Variants in HS6ST3 observed in about 807,000 individuals in gnomAD.
HS6ST3 encodes heparan-sulfate 6-O-sulfotransferase 3.
HS6ST3 carries 12 observed loss-of-function variants against 36.7 expected under a neutral mutation model. The ratio of observed to expected loss-of-function variants is 0.33; its 90% CI spans 0.21 to 0.53. The LOEUF is 0.53. HS6ST3 is among the 20% of genes least tolerant of loss of function. HS6ST3 has a pLI of 0.95. For synonymous variants in HS6ST3, 240 were observed against 257.5 expected (o/e 0.93, Z 0.65); for missense variants, 584 against 640.9 (o/e 0.91, Z 0.96).
At chr13:96,661,167 C>T (rs1192739367) in intron 1 of HS6ST3, among the ~76,000 whole-genome samples, 1 of 152,130 alleles carries the variant, frequency 6.6e-6, no homozygotes, top group Non-Finnish European at 1.5e-5. Flanking sequence ...TGCTCCTCAA[C>T]TTGCAGATGG....
chr13:96,429,386 G>A (rs1211205852), intron 1 of HS6ST3, among the ~76,000 whole-genome samples: 1 of 152,190 alleles, frequency 6.6e-6, no homozygotes, highest in Non-Finnish European at 1.5e-5. Context: ...TCCACTACAT[G>A]ATCTTAGACA....
intron 1 of HS6ST3, among the ~76,000 whole-genome samples, chr13:96,688,017 T>TGA (rs1874831973): frequency 1.4e-5 from 2 of 140,822 alleles, no homozygotes; most frequent in South Asian, 4.4e-4. Context: ...AATTGAACAA[T>TGA]GAGAACACTT....
intron 1 of HS6ST3, among the ~76,000 whole-genome samples, chr13:96,323,231 C>T (rs1433322142): frequency 6.6e-6 from 1 of 152,196 alleles, no homozygotes; most frequent in Non-Finnish European, 1.5e-5. Flanking sequence ...ATCTCCAAAA[C>T]AACCATCTGA....
chr13:96,731,544 A>G (rs1198814798), intron 1 of HS6ST3, among the ~76,000 whole-genome samples: 3 of 152,218 alleles, frequency 2.0e-5, no homozygotes, highest in Admixed American at 1.3e-4. Context: ...ATAGTGCTGC[A>G]GTAAACATAG....
intron 1 of HS6ST3, among the ~76,000 whole-genome samples, chr13:96,828,803 A>C (rs1354275327): frequency 6.6e-6 from 1 of 152,234 alleles, no homozygotes; most frequent in Non-Finnish European, 1.5e-5. Flanking sequence ...TAAATAAAAA[A>C]TTTGCTGTTA....
intron 1 of HS6ST3, among the ~76,000 whole-genome samples, chr13:96,543,120 A>G (rs1566391887): frequency 1.3e-5 from 2 of 152,192 alleles, no homozygotes; most frequent in Non-Finnish European, 2.9e-5. Flanking sequence ...GATTGCCACC[A>G]CCATGAACAG....
At chr13:96,429,199 C>T (rs1173085734) in intron 1 of HS6ST3, among the ~76,000 whole-genome samples, 1 of 152,124 alleles carries the variant, frequency 6.6e-6, no homozygotes, top group Non-Finnish European at 1.5e-5. Flanking sequence ...ACAAGAACAG[C>T]TTTTAATTAA....
At chr13:96,781,120 C>T (rs1877515476) in intron 1 of HS6ST3, among the ~76,000 whole-genome samples, 1 of 152,166 alleles carries the variant, frequency 6.6e-6, no homozygotes, top group South Asian at 2.1e-4. Flanking sequence ...TCCAATTCCC[C>T]CATTTTCCTT....
intron 1 of HS6ST3, among the ~76,000 whole-genome samples, chr13:96,168,661 A>G (rs894244340): frequency 6.7e-6 from 1 of 150,078 alleles, no homozygotes; most frequent in Non-Finnish European, 1.5e-5. Context: ...GGATCATGCT[A>G]CTGCCCTCCA....
At chr13:96,607,712 A>T (rs576903356) in intron 1 of HS6ST3, among the ~76,000 whole-genome samples, 2 of 152,196 alleles carry the variant, frequency 1.3e-5, no homozygotes, top group Non-Finnish European at 2.9e-5. Context: ...TGTGTATATA[A>T]TATGGAAAAA....
intron 1 of HS6ST3, among the ~76,000 whole-genome samples, chr13:96,371,895 C>T (rs917925633): frequency 2.0e-5 from 3 of 152,070 alleles, no homozygotes; most frequent in Non-Finnish European, 2.9e-5. Context: ...TGTTCGTGGA[C>T]GCTTAGGTTG....
At chr13:96,793,295 T>C (rs1021660768) in intron 1 of HS6ST3, among the ~76,000 whole-genome samples, 2 of 151,990 alleles carry the variant, frequency 1.3e-5, no homozygotes, top group African/African-American at 4.8e-5. Flanking sequence ...GACAAGGCAA[T>C]AGAAGTGGGT....
chr13:96,236,020 C>G (rs1464272833), intron 1 of HS6ST3, among the ~76,000 whole-genome samples: 1 of 152,124 alleles, frequency 6.6e-6, no homozygotes, highest in Non-Finnish European at 1.5e-5. Flanking sequence ...GGCCAAAGGC[C>G]AGAGAGTCCC....
At chr13:96,242,869 A>C (rs1234039257) in intron 1 of HS6ST3, among the ~76,000 whole-genome samples, 3 of 152,218 alleles carry the variant, frequency 2.0e-5, no homozygotes, top group Admixed American at 2.0e-4. Context: ...TATCTCCAAA[A>C]GATATCGGCA....
Position 96,099,038 on chromosome 13 carries a change from G to A in HS6ST3, c.707+7469G>A, listed in dbSNP as rs563581899. On this transcript the variant is annotated intron_variant, in intron 1 of 1. Transcript: ENST00000376705. Reference sequence around the variant, plus strand: ...TGCTCACTGCAACCTCCGCCTCACAGGTTCAAGCAATTCTCCTGCCTCAGC... The same window carrying A: ...TGCTCACTGCAACCTCCGCCTCACAAGTTCAAGCAATTCTCCTGCCTCAGC... Among the ~76,000 whole-genome samples the A allele has an allele frequency of 2.6e-3, 391 of 152,252 alleles. 1 individual carries two copies. Among genetic ancestry groups the A allele is most frequent in the Non-Finnish European group, 4.4e-3 (299 of 68,008 alleles).
At chr13:96,801,290 T>G (rs142505102) in intron 1 of HS6ST3, among the ~76,000 whole-genome samples, 1 of 152,262 alleles carries the variant, frequency 6.6e-6, no homozygotes, top group African/African-American at 2.4e-5. Context: ...AAAAGTATCT[T>G]CCCTCAGATT....
At chr13:96,186,269 A>G (rs375451506) in intron 1 of HS6ST3, among the ~76,000 whole-genome samples, 5 of 152,320 alleles carry the variant, frequency 3.3e-5, no homozygotes, top group South Asian at 2.1e-4. Flanking sequence ...AGCACAAAGA[A>G]TACATGCTCC....
chr13:96,587,134 C>CT (rs1388295717), intron 1 of HS6ST3, among the ~76,000 whole-genome samples: 7 of 152,242 alleles, frequency 4.6e-5, no homozygotes, highest in African/African-American at 1.7e-4. Flanking sequence ...GTTCTCTCTT[C>CT]TGTTCCATTG....
chr13:96,125,320 G>A (rs981564021), intron 1 of HS6ST3, among the ~76,000 whole-genome samples: 5 of 152,122 alleles, frequency 3.3e-5, no homozygotes, highest in African/African-American at 4.8e-5. Flanking sequence ...AAAATGGAAT[G>A]AGTTAAATAA....
Sources: gnomAD v4.1 joint callset for allele counts (sites outside exome capture counted in the v4.1 genomes callset) on GRCh38, gnomAD v4.1.1 for gene constraint, MANE v1.5 for transcripts, NCBI Gene and HGNC (gene_info 2026-07-23, HGNC 2026-07-21) for gene names.